Variants in SORCS3 observed in about 807,000 individuals in gnomAD.
SORCS3 encodes sortilin related VPS10 domain containing receptor 3.
SORCS3 carries 57 observed loss-of-function variants against 146.3 expected under a neutral mutation model. The ratio of observed to expected loss-of-function variants is 0.39; its 90% CI spans 0.31 to 0.49. SORCS3 has a LOEUF of 0.49. Among genes scored for constraint, SORCS3 ranks in the 20% least tolerant of loss-of-function variants. The pLI, the probability that SORCS3 is intolerant of heterozygous loss-of-function variation, is 0.92. For missense variants in SORCS3, 1,341 were observed against 1,575.5 expected, an observed-to-expected ratio of 0.85 and a Z score of 2.52; for synonymous variants, 653 against 618.5, an observed-to-expected ratio of 1.06 and a Z score of -0.83.
At chr10:104,705,713 G>T (rs7074404) in intron 1 of SORCS3, among the ~76,000 whole-genome samples, 6,793 of 152,268 alleles carry the variant, frequency 0.045, 490 homozygotes, top group African/African-American at 0.15. Flanking sequence ...CATGAAGTAG[G>T]CATCAGAAGC....
At chr10:104,883,090 G>A (rs2171914) in intron 2 of SORCS3, among the ~76,000 whole-genome samples, 1 of 152,176 alleles carries the variant, frequency 6.6e-6, no homozygotes, top group African/African-American at 2.4e-5. Flanking sequence ...TTCCAGAGCA[G>A]AGCAGTGGAT....
At chr10:104,947,231 TA>T (rs1347299166) in intron 3 of SORCS3, among the ~76,000 whole-genome samples, 1 of 152,138 alleles carries the variant, frequency 6.6e-6, no homozygotes, top group African/African-American at 2.4e-5. Context: ...GCTCTGTTGG[TA>T]GACGTTCACA....
chr10:104,801,392 A>G lies in SORCS3; in HGVS notation c.628-41400A>G, dbSNP rs117069583. Among the ~76,000 whole-genome samples, 19 of 152,352 alleles carry G rather than the reference A, an allele frequency of 1.2e-4. No individual in the cohort carries two copies. The East Asian group carries it at 3.7e-3, about 29-fold the overall frequency. ...CCTCGGAAAAATTATTAAACCTTTT[A>G]GAACTATAATTTCCTCACTTGTAAA... is the stretch of plus-strand genomic sequence containing the variant. On this transcript the variant is annotated intron_variant, in intron 1 of 26. Coordinates refer to ENST00000369701, the MANE Select transcript of SORCS3 (RefSeq NM_014978.3).
At chr10:105,028,729 T>A (rs1412053642) in intron 4 of SORCS3, among the ~76,000 whole-genome samples, 3 of 152,212 alleles carry the variant, frequency 2.0e-5, no homozygotes, top group Non-Finnish European at 4.4e-5. Flanking sequence ...ATGCAACCAC[T>A]TAACCTAGCA....
At chr10:104,675,676 G>T (rs894503131) in intron 1 of SORCS3, among the ~76,000 whole-genome samples, 11 of 152,166 alleles carry the variant, frequency 7.2e-5, no homozygotes, top group Admixed American at 5.9e-4. Flanking sequence ...CGTCTTACTT[G>T]TGTGTCCATT....
chr10:105,254,675 TATAATCCCAG>T (rs2056919802), intron 23 of SORCS3, among the ~76,000 whole-genome samples: 1 of 151,914 alleles, frequency 6.6e-6, no homozygotes, highest in African/African-American at 2.4e-5. Context: ...GGCACGTGCC[TATAATCCCAG>T]CTACTCAGGA....
chr10:104,786,349 C>T (rs995491655), intron 1 of SORCS3, among the ~76,000 whole-genome samples: 4 of 151,044 alleles, frequency 2.6e-5, no homozygotes, highest in South Asian at 2.1e-4. Context: ...GTCAGAAGTT[C>T]GAGACCAACC....
chr10:105,163,181 T>C (rs2859901), intron 11 of SORCS3, among the ~76,000 whole-genome samples: 67,622 of 151,954 alleles, frequency 0.45, 15,462 homozygotes, highest in South Asian at 0.52. Flanking sequence ...TCTGTGTGCT[T>C]CCTGATGCTG....
chr10:104,965,574 A>G lies in SORCS3; in HGVS notation c.796-11761A>G, dbSNP rs147502620. 4.6e-5 allele frequency among the ~76,000 whole-genome samples: 7 copies of G among 152,234 alleles called. No homozygotes were observed. In the East Asian group the frequency reaches 1.4e-3, roughly 29 times the overall value. On this transcript the variant is annotated intron_variant, in intron 3 of 26. Transcript: ENST00000369701. ...GTTCCAACTTTTCACATCCCTGCCA[A>G]CACTTGTTATTTTCTGATTTTTTAT...
chr10:104,829,322 A>T (rs1413276592), intron 1 of SORCS3, among the ~76,000 whole-genome samples: 1 of 152,154 alleles, frequency 6.6e-6, no homozygotes, highest in Non-Finnish European at 1.5e-5. Context: ...ATTAAGGGAA[A>T]ATCAGTTCTG....
At position 105,174,635 on chromosome 10, in the gene SORCS3, C is replaced by T. The variant is rs74157457; in HGVS notation, c.1902-3431C>T. Among the ~76,000 whole-genome samples the T allele has an allele frequency of 8.0e-3, 1,214 of 152,058 alleles. 22 individuals carry two copies. The highest frequency in any genetic ancestry group is 0.028 in the African/African-American group (1,154 of 41,502). On this transcript the variant is annotated intron_variant, in intron 13 of 26. Transcript: ENST00000369701. ...AGATCGCCCTAGCTCTAGAGTCCTG[C>T]CCACTTGCTTGTGCTTACTTATGTC... is the stretch of plus-strand genomic sequence containing the variant.
intron 2 of SORCS3, among the ~76,000 whole-genome samples, chr10:104,887,574 A>T (rs931406684): frequency 1.3e-5 from 2 of 152,120 alleles, no homozygotes; most frequent in African/African-American, 4.8e-5. Context: ...GTCCGGTTAT[A>T]GGAAAGGGTG....
At chr10:104,869,836 G>C in intron 2 of SORCS3, among the ~76,000 whole-genome samples, 1 of 152,168 alleles carries the variant, frequency 6.6e-6, no homozygotes, top group Non-Finnish European at 1.5e-5. Flanking sequence ...TTATAGTAGA[G>C]GCCAAAAGAC....
chr10:104,663,892 G>T lies in SORCS3; in HGVS notation c.627+21938G>T, dbSNP rs146849257. Among the ~76,000 whole-genome samples, 4 of 151,888 alleles carry T rather than the reference G, an allele frequency of 2.6e-5. No homozygotes were observed. The East Asian group carries it at 7.7e-4, about 29-fold the overall frequency. ...ATCTCTATCATCCCCCATCCTTCTC[G>T]CCTTCCCCACCCCGGCCTCTCTGAA... On this transcript the variant is annotated intron_variant, in intron 1 of 26. Transcript: ENST00000369701.
At chr10:104,843,716 C>A (rs1412964013) in intron 2 of SORCS3, among the ~76,000 whole-genome samples, 1 of 152,228 alleles carries the variant, frequency 6.6e-6, no homozygotes, top group Non-Finnish European at 1.5e-5. Context: ...TACGCCTATA[C>A]CTCCTCACGT....
chr10:104,947,926 G>C (rs2019390545), intron 3 of SORCS3, among the ~76,000 whole-genome samples: 1 of 152,092 alleles, frequency 6.6e-6, no homozygotes, highest in Non-Finnish European at 1.5e-5. Context: ...AGATGTTACA[G>C]TTTTTAAAGA....
intron 1 of SORCS3, among the ~76,000 whole-genome samples, chr10:104,729,843 G>A (rs1026120604): frequency 6.6e-6 from 1 of 152,236 alleles, no homozygotes; most frequent in African/African-American, 2.4e-5. Context: ...ACAGTGTGCT[G>A]TAGGGGAAAG....
At chr10:105,173,212 T>C (rs1365343044) in intron 13 of SORCS3, among the ~76,000 whole-genome samples, 3 of 152,102 alleles carry the variant, frequency 2.0e-5, no homozygotes, top group African/African-American at 7.2e-5. Flanking sequence ...CTCAGGAGGC[T>C]GAGGCAGGAT....
At chr10:104,817,662 CCCCCT>C (rs372025906) in intron 1 of SORCS3, among the ~76,000 whole-genome samples, 2 of 39,542 alleles carry the variant, frequency 5.1e-5, no homozygotes, top group Admixed American at 2.2e-4. Context: ...CTCTCCCCTC[CCCCCT>C]CCCCCTCTTC....
Sources: gnomAD v4.1 joint callset for allele counts (sites outside exome capture counted in the v4.1 genomes callset) on GRCh38, gnomAD v4.1.1 for gene constraint, MANE v1.5 for transcripts, NCBI Gene and HGNC (gene_info 2026-07-23, HGNC 2026-07-21) for gene names.